TGFBR3: variants seen among roughly 807,000 people sequenced by gnomAD.
The protein encoded by TGFBR3 is transforming growth factor beta receptor type 3.
TGFBR3 carries 46 observed loss-of-function variants against 87.9 expected under a neutral mutation model. The ratio of observed to expected loss-of-function variants is 0.52; its 90% confidence interval spans 0.41 to 0.67. The LOEUF is 0.67. Ranked by LOEUF, TGFBR3 falls within the 30% of genes least tolerant of loss-of-function variation. The probability of loss-of-function intolerance (pLI) is 0.00; values close to 1 mark genes in which losing one functional copy is unlikely to be tolerated. For missense variants in TGFBR3, 866 were observed against 1,041.9 expected (o/e 0.83, Z 2.32); for synonymous variants, 381 against 391.6 (o/e 0.97, Z 0.32).
chr1:91,811,471 G>A (rs1676027016), intron 2 of TGFBR3, among the ~76,000 whole-genome samples: 1 of 152,128 alleles, frequency 6.6e-6, no homozygotes, highest in Non-Finnish European at 1.5e-5. Flanking sequence ...AAAGCAAGAA[G>A]CAAACTGGCA....
upstream of TGFBR3, among the ~76,000 whole-genome samples, chr1:91,891,150 A>G (rs1474541840): frequency 6.6e-6 from 1 of 150,976 alleles, no homozygotes; most frequent in Non-Finnish European, 1.5e-5. Flanking sequence ...CGGCCTCCCA[A>G]AGTGCTGGGA....
At chr1:91,820,449 C>T (rs562268056) in intron 2 of TGFBR3, among the ~76,000 whole-genome samples, 3 of 151,940 alleles carry the variant, frequency 2.0e-5, no homozygotes, top group Admixed American at 6.6e-5. Context: ...TTTGGGAGGC[C>T]GAGGCGGGCG....
chr1:91,702,173 AT>A (rs1358271128), intron 14 of TGFBR3, among the ~76,000 whole-genome samples: 1 of 152,172 alleles, frequency 6.6e-6, no homozygotes, highest in Admixed American at 6.5e-5. Context: ...CCAAACACTG[AT>A]TGTACTGAGA....
intron 2 of TGFBR3, among the ~76,000 whole-genome samples, chr1:91,898,615 T>C (rs956906862): frequency 3.6e-4 from 55 of 152,200 alleles, no homozygotes; most frequent in African/African-American, 1.3e-3. Context: ...TTTTTTTTTA[T>C]TTTTAGTAGA....
At chr1:91,834,635 A>G (rs1676991670) in intron 2 of TGFBR3, among the ~76,000 whole-genome samples, 1 of 152,202 alleles carries the variant, frequency 6.6e-6, no homozygotes, top group African/African-American at 2.4e-5. Flanking sequence ...TCTATGCAGG[A>G]GGAGAAATAG....
chr1:91,728,459 T>C (rs763554112), intron 6 of TGFBR3, among the ~76,000 whole-genome samples: 1 of 152,124 alleles, frequency 6.6e-6, no homozygotes, highest in Non-Finnish European at 1.5e-5. Flanking sequence ...TACTGGAAAA[T>C]TGATGAACAC....
chr1:91,786,763 CA>C (rs201786879), intron 3 of TGFBR3, among the ~76,000 whole-genome samples: 5 of 146,834 alleles, frequency 3.4e-5, no homozygotes, highest in Admixed American at 6.7e-5. Context: ...AAAAAAAAGA[CA>C]AAAAAAAAGA....
intron 3 of TGFBR3, among the ~76,000 whole-genome samples, chr1:91,787,416 A>G (rs1212675528): frequency 2.0e-5 from 3 of 152,198 alleles, no homozygotes; most frequent in Admixed American, 2.0e-4. Context: ...GGAGTGGCAG[A>G]GCTGAGACTA....
chr1:91,876,232 A>C (rs1014747397), intron 1 of TGFBR3, among the ~76,000 whole-genome samples: 2 of 152,152 alleles, frequency 1.3e-5, no homozygotes, highest in Admixed American at 1.3e-4. Flanking sequence ...AAGATTATGC[A>C]GCATCAGGAA....
chr1:91,785,820 T>G (rs1357704067), intron 3 of TGFBR3, among the ~76,000 whole-genome samples: 1 of 150,838 alleles, frequency 6.6e-6, no homozygotes, highest in Non-Finnish European at 1.5e-5. Context: ...CAGGTTGGAG[T>G]GCAGTGGCGC....
At chr1:91,860,047 G>C (rs1217960152) in intron 2 of TGFBR3, among the ~76,000 whole-genome samples, 1 of 152,112 alleles carries the variant, frequency 6.6e-6, no homozygotes, top group Non-Finnish European at 1.5e-5. Flanking sequence ...GAGTCTTAAG[G>C]GAGATCTGGT....
Position 91,681,216 on chromosome 1 carries a change from G to T in TGFBR3, c.*2523C>A, listed in dbSNP as rs968954409. 2 of 449,456 alleles carry T rather than the reference G, an allele frequency of 4.4e-6. No homozygotes were observed. The highest frequency in any genetic ancestry group is 8.9e-6 in the Non-Finnish European group (2 of 224,892). The allele number at this position is 449,456 out of a possible 1,614,324, so 27.8% of individuals were successfully genotyped here. ...AAAGTGTGAAGCAATTAGAAATACT[G>T]TAATGAGAAGCTAGGGAGAAAATAC... On this transcript the variant is annotated 3_prime_UTR_variant, in exon 17 of 17. Transcript: ENST00000212355.
intron 2 of TGFBR3, among the ~76,000 whole-genome samples, chr1:91,812,664 G>A (rs1187900523): frequency 2.0e-5 from 3 of 152,290 alleles, no homozygotes; most frequent in Admixed American, 2.0e-4. Flanking sequence ...CCAGGCTGGA[G>A]TGCAATGGCA....
chr1:91,888,008 G>C (rs922165057), upstream of TGFBR3, among the ~76,000 whole-genome samples: 4 of 152,142 alleles, frequency 2.6e-5, no homozygotes, highest in Non-Finnish European at 5.9e-5. Context: ...ATCTCGAATT[G>C]TAAGTCCCAC....
intron 2 of TGFBR3, among the ~76,000 whole-genome samples, chr1:91,854,550 A>G (rs955029639): frequency 3.3e-5 from 5 of 151,968 alleles, no homozygotes; most frequent in Admixed American, 2.0e-4. Flanking sequence ...TAAAAATGTG[A>G]AAAAAAATAA....
intron 4 of TGFBR3, among the ~76,000 whole-genome samples, chr1:91,738,581 A>G (rs1279936260): frequency 2.6e-5 from 4 of 152,170 alleles, no homozygotes; most frequent in African/African-American, 9.7e-5. Context: ...ATCTTCCTCC[A>G]TAAGTAAAAG....
At chr1:91,699,233 G>GCAA (rs1322484330) in intron 14 of TGFBR3, among the ~76,000 whole-genome samples, 1 of 151,814 alleles carries the variant, frequency 6.6e-6, no homozygotes, top group Non-Finnish European at 1.5e-5. Flanking sequence ...ATCATGCTTT[G>GCAA]CAAGCCATCC....
intron 2 of TGFBR3, among the ~76,000 whole-genome samples, chr1:91,854,298 G>A (rs1362044482): frequency 1.3e-5 from 2 of 152,064 alleles, no homozygotes; most frequent in South Asian, 2.1e-4. Context: ...AAAAATGCCT[G>A]GGCCATGGAG....
chr1:91,727,150 G>T (rs1271908359), intron 7 of TGFBR3, among the ~76,000 whole-genome samples: 1 of 152,152 alleles, frequency 6.6e-6, no homozygotes, highest in Non-Finnish European at 1.5e-5. Flanking sequence ...TTGGAAGCAA[G>T]CAAAAAGACA....
Sources: allele counts gnomAD v4.1 joint callset (sites outside exome capture counted in the v4.1 genomes callset), GRCh38; gene constraint gnomAD v4.1.1; transcripts MANE v1.5; gene names NCBI Gene and HGNC (gene_info 2026-07-23, HGNC 2026-07-21).